The following NPAS3 variants were observed in gnomAD, a reference collection of about 807,000 sequenced individuals.
NPAS3 encodes neuronal PAS domain protein 3.
Under a neutral mutation model 73.1 loss-of-function variants are expected in NPAS3, and 14 were observed. The ratio of observed to expected loss-of-function variants is 0.19; its 90% CI spans 0.13 to 0.30. The LOEUF (loss-of-function observed/expected upper bound fraction) is 0.30, where lower values mean the gene tolerates loss of function less well. NPAS3 is among the 10% of genes least tolerant of loss of function. The pLI, the probability that NPAS3 is intolerant of heterozygous loss-of-function variation, is 1.00. For synonymous variants in NPAS3, 620 were observed against 541.5 expected, an observed-to-expected ratio of 1.14 and a Z score of -2.01; for missense variants, 1,096 against 1,250.0, an observed-to-expected ratio of 0.88 and a Z score of 1.86.
At chr14:33,080,971 T>G (rs1273179497) in intron 2 of NPAS3, among the ~76,000 whole-genome samples, 1 of 152,218 alleles carries the variant, frequency 6.6e-6, no homozygotes, top group Non-Finnish European at 1.5e-5. Context: ...TGTTAATAAG[T>G]GTTATTTGGG....
At chr14:32,956,698 G>A (rs1034633289) in intron 1 of NPAS3, among the ~76,000 whole-genome samples, 4 of 152,080 alleles carry the variant, frequency 2.6e-5, no homozygotes, top group African/African-American at 9.7e-5. Flanking sequence ...CAGACATATT[G>A]ACATATGTCT....
intron 6 of NPAS3, among the ~76,000 whole-genome samples, chr14:33,719,701 C>T (rs979284912): frequency 4.6e-5 from 7 of 152,086 alleles, no homozygotes; most frequent in African/African-American, 1.7e-4. Context: ...AACGAGTCAC[C>T]AGCCTGTACC....
In NPAS3 at chr14:33,593,814, T is replaced by A. The variant is rs1034190741; in HGVS notation, c.558+33604T>A. On this transcript the variant is annotated intron_variant, in intron 5 of 11. Coordinates refer to ENST00000356141, the Ensembl canonical transcript of NPAS3. Reference sequence around the variant, plus strand: ...TAAAAGGGACATTTGTCCCTTGATGTTGCAGAATAGTAGGCAATGTGAGTG... The same window carrying A: ...TAAAAGGGACATTTGTCCCTTGATGATGCAGAATAGTAGGCAATGTGAGTG... Among the ~76,000 whole-genome samples, 4 of 152,352 alleles carry A rather than the reference T, an allele frequency of 2.6e-5. No homozygotes were observed. In the East Asian group the frequency reaches 7.7e-4, roughly 29 times the overall value.
intron 2 of NPAS3, among the ~76,000 whole-genome samples, chr14:33,185,965 A>T (rs560187133): frequency 1.6e-4 from 24 of 152,280 alleles, no homozygotes; most frequent in African/African-American, 5.5e-4. Flanking sequence ...ATCATATACC[A>T]CAAGGGAAGA....
chr14:33,091,095 CA>C (rs1207510759), intron 2 of NPAS3, among the ~76,000 whole-genome samples: 2 of 152,034 alleles, frequency 1.3e-5, no homozygotes, highest in Non-Finnish European at 2.9e-5. Context: ...GAAGCAAAAG[CA>C]AACACATTCA....
At chr14:33,414,755 A>C (rs1257794397) in intron 4 of NPAS3, among the ~76,000 whole-genome samples, 1 of 152,154 alleles carries the variant, frequency 6.6e-6, no homozygotes, top group Non-Finnish European at 1.5e-5. Flanking sequence ...ACTTGAAGGC[A>C]CTGGGGTTAG....
intron 2 of NPAS3, among the ~76,000 whole-genome samples, chr14:33,094,279 G>T (rs563436731): frequency 2.0e-5 from 3 of 152,168 alleles, no homozygotes; most frequent in African/African-American, 7.2e-5. Context: ...AATAAATAAT[G>T]ATTAGAAAAT....
intron 7 of NPAS3, among the ~76,000 whole-genome samples, chr14:33,746,892 C>G (rs1024505118): frequency 5.4e-5 from 8 of 147,078 alleles, no homozygotes; most frequent in Non-Finnish European, 8.8e-5. Flanking sequence ...TATCCCTCCC[C>G]CGTCCCCCCA....
chr14:32,995,975 T>A (rs780323564), intron 1 of NPAS3, among the ~76,000 whole-genome samples: 1 of 152,178 alleles, frequency 6.6e-6, no homozygotes, highest in African/African-American at 2.4e-5. Flanking sequence ...CAGGAAAATG[T>A]GGGAAAGTTT....
At chr14:33,012,116 C>T (rs1016757040) in intron 1 of NPAS3, among the ~76,000 whole-genome samples, 6 of 152,048 alleles carry the variant, frequency 3.9e-5, no homozygotes, top group Non-Finnish European at 7.4e-5. Context: ...TTGTGTCCTC[C>T]CTCCAGCATC....
intron 5 of NPAS3, among the ~76,000 whole-genome samples, chr14:33,668,713 A>G (rs2140305232): frequency 6.6e-6 from 1 of 152,228 alleles, no homozygotes; most frequent in African/African-American, 2.4e-5. Context: ...CAACTACTCC[A>G]GAGGCTGAGA....
At chr14:33,573,662 A>G (rs776434329) in intron 5 of NPAS3, among the ~76,000 whole-genome samples, 1 of 152,202 alleles carries the variant, frequency 6.6e-6, no homozygotes, top group Non-Finnish European at 1.5e-5. Context: ...GACTTGGCCA[A>G]TTTGGAAAGG....
At chr14:33,629,846 C>T (rs2058330599) in intron 5 of NPAS3, among the ~76,000 whole-genome samples, 2 of 152,000 alleles carry the variant, frequency 1.3e-5, no homozygotes, top group African/African-American at 4.8e-5. Flanking sequence ...AACAGGCATT[C>T]AAATTCAAGT....
At chr14:33,035,755 GTTC>G (rs2040145097) in intron 1 of NPAS3, among the ~76,000 whole-genome samples, 1 of 152,128 alleles carries the variant, frequency 6.6e-6, no homozygotes, top group Admixed American at 6.5e-5. Flanking sequence ...ATTGACATGA[GTTC>G]TTCTCTTTGT....
At chr14:33,503,703 GACTTGAT>G (rs767536642) in intron 4 of NPAS3, among the ~76,000 whole-genome samples, 1 of 151,922 alleles carries the variant, frequency 6.6e-6, no homozygotes, top group African/African-American at 2.4e-5. Flanking sequence ...GAAGAAATAT[GACTTGAT>G]ACTTGGGGAA....
At chr14:33,649,404 C>A (rs1402324011) in intron 5 of NPAS3, among the ~76,000 whole-genome samples, 1 of 152,182 alleles carries the variant, frequency 6.6e-6, no homozygotes, top group African/African-American at 2.4e-5. Context: ...GGGCTGAAAG[C>A]CCTTCAAAAT....
intron 3 of NPAS3, among the ~76,000 whole-genome samples, chr14:33,240,051 A>G (rs1484257317): frequency 6.6e-6 from 1 of 151,900 alleles, no homozygotes; most frequent in Non-Finnish European, 1.5e-5. Context: ...CCACTTTACT[A>G]GAGAAAATGT....
chr14:33,620,264 A>G (rs969056098), intron 5 of NPAS3, among the ~76,000 whole-genome samples: 4 of 152,224 alleles, frequency 2.6e-5, no homozygotes, highest in Admixed American at 6.5e-5. Flanking sequence ...CATGTGATTC[A>G]TGAAACTATA....
chr14:33,748,344 G>T (rs1034608213), intron 7 of NPAS3, among the ~76,000 whole-genome samples: 3 of 152,116 alleles, frequency 2.0e-5, no homozygotes, highest in African/African-American at 7.2e-5. Context: ...ACTAATGGTT[G>T]ACACATTCTA....
Sources: gnomAD v4.1 joint callset for allele counts (sites outside exome capture counted in the v4.1 genomes callset) on GRCh38, gnomAD v4.1.1 for gene constraint, MANE v1.5 for transcripts, NCBI Gene and HGNC (gene_info 2026-07-23, HGNC 2026-07-21) for gene names.